Variants in TRPC4 observed in about 807,000 individuals in gnomAD.
TRPC4 encodes transient receptor potential cation channel subfamily C member 4.
A neutral mutation model predicts 99.4 loss-of-function variants in TRPC4; 49 were observed. The observed-to-expected ratio is 0.49, with a 90% CI of 0.39 to 0.63. TRPC4 has a LOEUF of 0.63. TRPC4 is among the 20% of genes least tolerant of loss of function. The pLI is 0.00. For missense variants in TRPC4, 898 were observed against 1,152.9 expected (o/e 0.78, Z 3.20); for synonymous variants, 454 against 425.9 (o/e 1.07, Z -0.81).
At chr13:37,768,700 G>C (rs1956462453) in intron 2 of TRPC4, among the ~76,000 whole-genome samples, 2 of 142,212 alleles carry the variant, frequency 1.4e-5, no homozygotes, top group South Asian at 4.5e-4. Context: ...ACACACATCA[G>C]GATAGGTGGT....
chr13:37,690,059 A>T (rs1178260649), intron 4 of TRPC4, among the ~76,000 whole-genome samples: 1 of 152,194 alleles, frequency 6.6e-6, no homozygotes, highest in Non-Finnish European at 1.5e-5. Flanking sequence ...GCGTTTGGGA[A>T]ACTAGAATTT....
At chr13:37,714,377 T>C (rs141414328) in intron 3 of TRPC4, among the ~76,000 whole-genome samples, 2,727 of 152,264 alleles carry the variant, frequency 0.018, 82 homozygotes, top group African/African-American at 0.063. Flanking sequence ...TCCATCCACC[T>C]TGGCCTCCCA....
intron 1 of TRPC4, among the ~76,000 whole-genome samples, chr13:37,869,282 C>T (rs1960001953): frequency 6.6e-6 from 1 of 152,074 alleles, no homozygotes; most frequent in Non-Finnish European, 1.5e-5. Context: ...CTTTGTTTAC[C>T]ATATAAGTCA....
At chr13:37,869,044 C>T (rs1959973771) in intron 1 of TRPC4, among the ~76,000 whole-genome samples, 1 of 152,062 alleles carries the variant, frequency 6.6e-6, no homozygotes, top group South Asian at 2.1e-4. Flanking sequence ...GGTCGGGCAA[C>T]ACGGATAAAA....
intron 1 of TRPC4, among the ~76,000 whole-genome samples, chr13:37,846,601 G>A (rs564618579): frequency 1.5e-4 from 22 of 151,170 alleles, no homozygotes; most frequent in South Asian, 6.3e-4. Context: ...AAAGCATACC[G>A]CCACAGAAAA....
intron 3 of TRPC4, among the ~76,000 whole-genome samples, chr13:37,705,903 T>C (rs144726670): frequency 2.6e-3 from 397 of 152,274 alleles, no homozygotes; most frequent in African/African-American, 9.2e-3. Flanking sequence ...TTGTGTATAG[T>C]ATACTGATAC....
intron 1 of TRPC4, among the ~76,000 whole-genome samples, chr13:37,793,099 G>A (rs1198481407): frequency 6.6e-6 from 1 of 152,086 alleles, no homozygotes; most frequent in African/African-American, 2.4e-5. Flanking sequence ...CGTCTGGTTA[G>A]AAGTTTTGAA....
intron 1 of TRPC4, among the ~76,000 whole-genome samples, chr13:37,868,784 C>T (rs1351386886): frequency 6.6e-6 from 1 of 152,118 alleles, no homozygotes; most frequent in African/African-American, 2.4e-5. Flanking sequence ...AACAGGGATA[C>T]ACCATAGTGG....
intron 3 of TRPC4, among the ~76,000 whole-genome samples, chr13:37,719,603 C>G (rs1566119513): frequency 6.6e-6 from 1 of 152,018 alleles, no homozygotes; most frequent in Non-Finnish European, 1.5e-5. Context: ...AATTAAGACA[C>G]TGTCTTGTGA....
At chr13:37,805,780 A>C (rs952609239) in intron 1 of TRPC4, among the ~76,000 whole-genome samples, 4 of 152,062 alleles carry the variant, frequency 2.6e-5, no homozygotes, top group Non-Finnish European at 4.4e-5. Flanking sequence ...CAAGTCAGTA[A>C]TATTAACTGA....
intron 1 of TRPC4, among the ~76,000 whole-genome samples, chr13:37,834,133 A>G (rs1421319175): frequency 6.6e-6 from 1 of 152,226 alleles, no homozygotes; most frequent in Non-Finnish European, 1.5e-5. Flanking sequence ...TGTCCCAGAT[A>G]TTACATAAAT....
At chr13:37,720,716 TATTTTTC>T (rs1287694483) in intron 3 of TRPC4, among the ~76,000 whole-genome samples, 3 of 152,222 alleles carry the variant, frequency 2.0e-5, no homozygotes, top group Non-Finnish European at 4.4e-5. Flanking sequence ...GGAGTATATT[TATTTTTC>T]ATTTTTCATT....
chr13:37,702,598 C>A (rs748608515), intron 3 of TRPC4, among the ~76,000 whole-genome samples: 5 of 152,110 alleles, frequency 3.3e-5, no homozygotes, highest in African/African-American at 4.8e-5. Context: ...TGTCTTCCAA[C>A]TATACAGTTT....
At chr13:37,689,451 A>T (rs1262337003) in intron 4 of TRPC4, among the ~76,000 whole-genome samples, 2 of 152,204 alleles carry the variant, frequency 1.3e-5, no homozygotes, top group Admixed American at 1.3e-4. Flanking sequence ...TCTCTTTGAT[A>T]TATAAACATT....
chr13:37,740,809 G>A (rs1480099333), intron 3 of TRPC4, among the ~76,000 whole-genome samples: 2 of 152,138 alleles, frequency 1.3e-5, no homozygotes, highest in Non-Finnish European at 2.9e-5. Flanking sequence ...AATCAATTTA[G>A]TTTACCATGC....
chr13:37,836,454 G>T (rs1001467978), intron 1 of TRPC4, among the ~76,000 whole-genome samples: 21 of 152,244 alleles, frequency 1.4e-4, no homozygotes, highest in African/African-American at 4.6e-4. Flanking sequence ...TAGTGATATG[G>T]ACAATGAAAT....
chr13:37,692,302 C>T lies in TRPC4; in HGVS notation c.931G>A (p.Ala311Thr). Residue 311 changes from alanine (A) to threonine (T), a missense_variant, in exon 4 of 11, where the codon GCA (alanine) becomes ACA (threonine). By Grantham distance (58) the Ala-to-Thr change is moderately conservative. Around this residue, in one of 3 missense-constraint regions of TRPC4, gnomAD observed 274 missense variants for 454.9 expected, o/e 0.60. Transcript: ENST00000379705. ...VAQPNCQQLLASRWYDEFPGW... is the reference protein window; with the variant it reads ...VAQPNCQQLLTSRWYDEFPGW... The stretch of plus-strand genomic sequence containing the variant: ...GGAAACTCATCGTACCAGCGAGATG[C>T]CAGCAGCTGTTGACAATTGGGCTGG... 1 of 1,613,862 alleles carries T rather than the reference C, an allele frequency of 6.2e-7. No individual in the cohort carries two copies. Among genetic ancestry groups the T allele is most frequent in the South Asian group, 1.1e-5 (1 of 91,048 alleles).
intron 2 of TRPC4, among the ~76,000 whole-genome samples, chr13:37,756,935 T>C (rs1005154117): frequency 2.2e-4 from 34 of 152,102 alleles, no homozygotes; most frequent in African/African-American, 8.0e-4. Flanking sequence ...TACATACATA[T>C]GGCTCTAAAT....
chr13:37,867,719 T>C (rs1959857712), intron 1 of TRPC4, among the ~76,000 whole-genome samples: 1 of 152,102 alleles, frequency 6.6e-6, no homozygotes, highest in Non-Finnish European at 1.5e-5. Flanking sequence ...CACAAAAATA[T>C]TGATAGACAC....
Sources: allele counts gnomAD v4.1 joint callset (sites outside exome capture counted in the v4.1 genomes callset), GRCh38; gene constraint gnomAD v4.1.1; regional missense constraint gnomAD v4.1.1; transcripts MANE v1.5; gene names NCBI Gene and HGNC (gene_info 2026-07-23, HGNC 2026-07-21).